KIAA1217: variants seen among roughly 807,000 people sequenced by gnomAD.
KIAA1217 encodes sickle tail protein homolog.
Under a neutral mutation model 163.9 loss-of-function variants are expected in KIAA1217, and 88 were observed. The observed-to-expected ratio is 0.54, with a 90% CI of 0.45 to 0.64. The LOEUF (loss-of-function observed/expected upper bound fraction) is 0.64, where lower values mean the gene tolerates loss of function less well. KIAA1217 is among the 30% of genes least tolerant of loss of function. The pLI is 0.00. For synonymous variants in KIAA1217, 903 were observed against 923.1 expected, an observed-to-expected ratio of 0.98 and a Z score of 0.39; for missense variants, 2,372 against 2,475.0, an observed-to-expected ratio of 0.96 and a Z score of 0.88.
At chr10:23,719,271 C>T (rs564192926) in intron 1 of KIAA1217, among the ~76,000 whole-genome samples, 7 of 152,232 alleles carry the variant, frequency 4.6e-5, no homozygotes, top group South Asian at 2.1e-4. Flanking sequence ...AGCCCCAAAA[C>T]GTCTTAATTG....
At chr10:24,418,742 T>C (rs980925908) in intron 3 of KIAA1217, among the ~76,000 whole-genome samples, 4 of 152,140 alleles carry the variant, frequency 2.6e-5, no homozygotes, top group African/African-American at 7.2e-5. Context: ...TTGTAACCCT[T>C]TTTAAAAAGA....
chr10:23,893,653 A>T (rs1007700279), intron 1 of KIAA1217, among the ~76,000 whole-genome samples: 1 of 151,896 alleles, frequency 6.6e-6, no homozygotes, highest in Non-Finnish European at 1.5e-5. Flanking sequence ...CCCTCTACAC[A>T]CTGCTTTGAA....
chr10:24,501,910 G>A (rs1030747614), intron 9 of KIAA1217, among the ~76,000 whole-genome samples: 1 of 151,576 alleles, frequency 6.6e-6, no homozygotes, highest in Admixed American at 6.6e-5. Flanking sequence ...CACCACGCCC[G>A]GCTAATTTTT....
chr10:23,894,553 T>C (rs894932302), intron 1 of KIAA1217, among the ~76,000 whole-genome samples: 2 of 150,644 alleles, frequency 1.3e-5, no homozygotes, highest in Non-Finnish European at 3.0e-5. Flanking sequence ...ATTGTGAAAA[T>C]GGCCATGCTG....
At chr10:24,081,660 A>G (rs1232125823) in intron 2 of KIAA1217, among the ~76,000 whole-genome samples, 3 of 152,130 alleles carry the variant, frequency 2.0e-5, no homozygotes, top group Non-Finnish European at 4.4e-5. Context: ...TTGGAAAAAG[A>G]AGAATTGTCT....
chr10:24,517,534 A>G (rs576011030), intron 10 of KIAA1217, among the ~76,000 whole-genome samples: 1 of 152,204 alleles, frequency 6.6e-6, no homozygotes, highest in African/African-American at 2.4e-5. Flanking sequence ...GGAATATCAG[A>G]ACAGTGATAT....
intron 1 of KIAA1217, among the ~76,000 whole-genome samples, chr10:23,999,781 T>A (rs1270263991): frequency 6.6e-6 from 1 of 152,180 alleles, no homozygotes; most frequent in Non-Finnish European, 1.5e-5. Flanking sequence ...TTATTAAGAT[T>A]ACTATAGTGA....
chr10:24,542,806 T>A, intron 18 of KIAA1217, 36 bp downstream of exon 18: 1 of 1,612,046 alleles, frequency 6.2e-7, no homozygotes, highest in East Asian at 2.2e-5. Flanking sequence ...ACCAATACCA[T>A]GCACATTAAG....
intron 1 of KIAA1217, among the ~76,000 whole-genome samples, chr10:23,942,038 C>T (rs992296067): frequency 5.9e-5 from 9 of 152,104 alleles, no homozygotes; most frequent in Non-Finnish European, 5.9e-5. Flanking sequence ...AAAGCCTCTA[C>T]AATATGTAAT....
chr10:24,420,600 A>T (rs1395311077), intron 3 of KIAA1217, among the ~76,000 whole-genome samples: 1 of 152,224 alleles, frequency 6.6e-6, no homozygotes, highest in Non-Finnish European at 1.5e-5. Context: ...ATACACTGGG[A>T]GACAACACCA....
intron 2 of KIAA1217, among the ~76,000 whole-genome samples, chr10:24,016,774 C>T (rs886974142): frequency 6.6e-6 from 1 of 151,876 alleles, no homozygotes; most frequent in African/African-American, 2.4e-5. Flanking sequence ...AGCATAGTAA[C>T]TAAAGTACCA....
At chr10:23,790,552 CATATGTACATATGTATATATACATATGT>C in intron 1 of KIAA1217, among the ~76,000 whole-genome samples, 1 of 102,064 alleles carries the variant, frequency 9.8e-6, no homozygotes, top group East Asian at 2.4e-4. Context: ...TGCATATATA[CATATGTACATATGTATATATACATATGT>C]ATATGTACAT....
chr10:24,416,594 C>T (rs1201116356), intron 3 of KIAA1217, among the ~76,000 whole-genome samples: 1 of 152,204 alleles, frequency 6.6e-6, no homozygotes, highest in East Asian at 1.9e-4. Flanking sequence ...GTTCTATCCT[C>T]ATACTTTGAC....
chr10:24,234,307 G>A (rs1228553219), intron 2 of KIAA1217, among the ~76,000 whole-genome samples: 1 of 151,700 alleles, frequency 6.6e-6, no homozygotes, highest in Admixed American at 6.6e-5. Context: ...AAACACCTCT[G>A]GTCCCAAGCA....
intron 2 of KIAA1217, among the ~76,000 whole-genome samples, chr10:24,342,652 ATTTTTTTTTTT>A (rs11299912): frequency 3.2e-5 from 3 of 93,510 alleles, no homozygotes; most frequent in Non-Finnish European, 6.1e-5. Flanking sequence ...ATACAACTCA[ATTTTTTTTTTT>A]TTTTTTTTTT....
intron 1 of KIAA1217, among the ~76,000 whole-genome samples, chr10:23,717,219 T>G (rs1837624078): frequency 6.6e-6 from 1 of 152,194 alleles, no homozygotes; most frequent in Non-Finnish European, 1.5e-5. Flanking sequence ...ACTACTTGGT[T>G]GTCCCCTGTG....
At chr10:24,227,862 G>A (rs2070809585) in intron 2 of KIAA1217, among the ~76,000 whole-genome samples, 2 of 152,146 alleles carry the variant, frequency 1.3e-5, no homozygotes, top group South Asian at 4.1e-4. Context: ...GGTCAGTGAG[G>A]CCAAGAGGTC....
intron 1 of KIAA1217, among the ~76,000 whole-genome samples, chr10:23,778,520 T>C (rs1835106720): frequency 6.6e-6 from 1 of 152,196 alleles, no homozygotes; most frequent in Non-Finnish European, 1.5e-5. Context: ...TAGCCCCTGA[T>C]TGGAGGCCAT....
At chr10:24,308,435 G>A (rs2042251609) in intron 2 of KIAA1217, among the ~76,000 whole-genome samples, 1 of 152,244 alleles carries the variant, frequency 6.6e-6, no homozygotes, top group Non-Finnish European at 1.5e-5. Flanking sequence ...CAGTAATAGG[G>A]TGGTCTGGAC....
Sources: gnomAD v4.1 joint callset for allele counts (sites outside exome capture counted in the v4.1 genomes callset) on GRCh38, gnomAD v4.1.1 for gene constraint, MANE v1.5 for transcripts, NCBI Gene and HGNC (gene_info 2026-07-23, HGNC 2026-07-21) for gene names.